Variants in WDR49 observed in about 807,000 individuals in gnomAD.
WDR49 encodes cilia- and flagella-associated protein 337.
WDR49 carries 107 observed loss-of-function variants against 119.5 expected under a neutral mutation model. The observed-to-expected ratio is 0.90, with a 90% CI of 0.77 to 1.05. WDR49 has a LOEUF of 1.05. Among genes scored for constraint, WDR49 ranks in the 50% least tolerant of loss-of-function variants. The pLI, the probability that WDR49 is intolerant of heterozygous loss-of-function variation, is 0.00. For synonymous variants in WDR49, 425 were observed against 418.8 expected, an observed-to-expected ratio of 1.01 and a Z score of -0.18; for missense variants, 1,240 against 1,220.5, an observed-to-expected ratio of 1.02 and a Z score of -0.24.
chr3:167,504,165 T>C (rs564772296), intron 17 of WDR49, among the ~76,000 whole-genome samples: 1 of 152,212 alleles, frequency 6.6e-6, no homozygotes, highest in South Asian at 2.1e-4. Context: ...CTAGTGGAGC[T>C]CTGTAAAGAG....
At chr3:167,656,558 G>A (rs746852375), upstream of WDR49, among the ~76,000 whole-genome samples, 17 of 152,154 alleles carry the variant, frequency 1.1e-4, no homozygotes, top group Non-Finnish European at 1.8e-4. Flanking sequence ...CTTCCATAAA[G>A]TTGCAGCCCT....
At chr3:167,530,740 T>C (rs1012597727) in intron 13 of WDR49, among the ~76,000 whole-genome samples, 2 of 152,132 alleles carry the variant, frequency 1.3e-5, no homozygotes, top group Non-Finnish European at 2.9e-5. Flanking sequence ...TCAACTTTTC[T>C]GCTATATGTG....
At chr3:167,634,567 G>A (rs1170480679) in intron 2 of WDR49, among the ~76,000 whole-genome samples, 1 of 151,816 alleles carries the variant, frequency 6.6e-6, no homozygotes, top group Middle Eastern at 3.2e-3. Context: ...TGAGCTGCCT[G>A]TCTATTTAGA....
rs972053732 is a variant in WDR49, at chr3:167,613,836, T to G, written c.958+6593A>C. Among the ~76,000 whole-genome samples the G allele has an allele frequency of 3.3e-5, 5 of 151,210 alleles. No individual in the cohort carries two copies. In the South Asian group the frequency reaches 1.0e-3, roughly 32 times the overall value. Reference sequence around the variant, plus strand: ...AGCTCATGCCTGTAATCCCAGGTACTCGGGAGGCTGAGGCAGGAGAATCGC... The same window carrying G: ...AGCTCATGCCTGTAATCCCAGGTACGCGGGAGGCTGAGGCAGGAGAATCGC... On this transcript the variant is annotated intron_variant, in intron 5 of 18. Coordinates refer to ENST00000682715, the MANE Select transcript of WDR49 (RefSeq NM_001366157.1).
chr3:167,505,160 T>C, intron 17 of WDR49, 147 bp downstream of exon 17: 1 of 1,129,904 alleles, frequency 8.9e-7, no homozygotes, highest in Non-Finnish European at 1.1e-6. Flanking sequence ...ACCTCACTTT[T>C]CTCCTTTGTT....
At position 167,500,741 on chromosome 3, in the gene WDR49, G is replaced by A. The variant is rs76522369; in HGVS notation, c.2885-442C>T. On this transcript the variant is annotated intron_variant, in intron 17 of 18. Coordinates refer to ENST00000682715, the MANE Select transcript of WDR49 (RefSeq NM_001366157.1). ...ATGTCATCAAGTAAACCAGAGCTGC[G>A]TTATTGTATTTATTATGCACACAAT... is the stretch of plus-strand genomic sequence containing the variant. 4.2e-3 allele frequency among the ~76,000 whole-genome samples: 638 copies of A among 152,158 alleles called. 2 individuals carry two copies. The highest frequency in any genetic ancestry group is 0.013 in the African/African-American group (552 of 41,524).
At chr3:167,513,946 C>T (rs2108223026) in intron 16 of WDR49, among the ~76,000 whole-genome samples, 1 of 152,294 alleles carries the variant, frequency 6.6e-6, no homozygotes, top group South Asian at 2.1e-4. Flanking sequence ...TACAGGAGAA[C>T]CCAGAATCAT....
intron 7 of WDR49, among the ~76,000 whole-genome samples, chr3:167,596,087 G>A (rs1488527881): frequency 4.0e-5 from 6 of 148,256 alleles, no homozygotes; most frequent in African/African-American, 1.5e-4. Context: ...CTCAAAAGAA[G>A]ACATTTATGC....
intron 18 of WDR49, among the ~76,000 whole-genome samples, chr3:167,490,450 T>C (rs1007831509): frequency 6.6e-6 from 1 of 152,192 alleles, no homozygotes; most frequent in Non-Finnish European, 1.5e-5. Flanking sequence ...AGGTGAGCCA[T>C]GTGTAGCAAT....
chr3:167,534,960 C>A lies in WDR49; in HGVS notation c.1954+1910G>T, dbSNP rs535235174. ...CGTACCTGACAGCCCTAAAGCTGCT[C>A]CTGGAAAATGGACAATACAAATAAA... On this transcript the variant is annotated intron_variant, in intron 11 of 18. Transcript: ENST00000682715. Among the ~76,000 whole-genome samples, 10 of 152,236 alleles carry A rather than the reference C, an allele frequency of 6.6e-5. No homozygotes were observed. The South Asian group carries it at 2.1e-3, about 32-fold the overall frequency.
intron 8 of WDR49, among the ~76,000 whole-genome samples, chr3:167,562,759 G>A (rs887252030): frequency 1.3e-5 from 2 of 152,082 alleles, no homozygotes; most frequent in African/African-American, 4.8e-5. Context: ...GTTCTACCTC[G>A]GACATTAAGG....
chr3:167,602,278 A>T lies in WDR49; in HGVS notation c.1127-3T>A, dbSNP rs767713949. The stretch of plus-strand genomic sequence containing the variant: ...TTTATTGTTAATGCCAGCAGTTGCT[A>T]ATCAGAATTAGAAAGAAAAAAAATG... On this transcript the variant is annotated splice_region_variant and splice_polypyrimidine_tract_variant and intron_variant, in intron 6 of 18. Transcript: ENST00000682715. The T allele has an allele frequency of 2.3e-5, 36 of 1,562,574 alleles. No individual in the cohort carries two copies. The African/African-American group carries it at 4.3e-4, about 19-fold the overall frequency.
chr3:167,633,748 G>GTTAATGTCTGGGT (rs534491354), intron 2 of WDR49, among the ~76,000 whole-genome samples: 2,141 of 151,986 alleles, frequency 0.014, 145 homozygotes, highest in Admixed American at 0.12. Context: ...TGCTAATTTA[G>GTTAATGTCTGGGT]TTAATGTCTG....
chr3:167,631,784 T>G (rs1717388603), intron 2 of WDR49, among the ~76,000 whole-genome samples: 1 of 152,058 alleles, frequency 6.6e-6, no homozygotes, highest in African/African-American at 2.4e-5. Context: ...AAGCCATAAT[T>G]TCACATCTGT....
chr3:167,641,236 T>A (rs1479589177), intron 2 of WDR49, among the ~76,000 whole-genome samples: 1 of 151,914 alleles, frequency 6.6e-6, no homozygotes, highest in East Asian at 1.9e-4. Flanking sequence ...GTTTTTATGA[T>A]GTGTCTCTGC....
chr3:167,491,536 C>T (rs1751132633), intron 18 of WDR49, among the ~76,000 whole-genome samples: 1 of 152,080 alleles, frequency 6.6e-6, no homozygotes, highest in Admixed American at 6.6e-5. Context: ...TGAACTTTCT[C>T]CGTATTGCAG....
chr3:167,488,145 A>AACACACACAC (rs57719248), intron 18 of WDR49, among the ~76,000 whole-genome samples: 13 of 136,196 alleles, frequency 9.5e-5, no homozygotes, highest in East Asian at 2.2e-4. Flanking sequence ...GATACACTCA[A>AACACACACAC]ACACACACAC....
At chr3:167,589,978 G>T (rs1163588784) in intron 7 of WDR49, among the ~76,000 whole-genome samples, 2 of 151,946 alleles carry the variant, frequency 1.3e-5, no homozygotes, top group Non-Finnish European at 2.9e-5. Flanking sequence ...GCATTCTTCA[G>T]ATCTTAGATG....
intron 18 of WDR49, among the ~76,000 whole-genome samples, chr3:167,482,172 T>G (rs772367174): frequency 2.0e-5 from 3 of 152,144 alleles, no homozygotes; most frequent in Non-Finnish European, 4.4e-5. Context: ...GAGAAAAGTA[T>G]CTTGCATTAG....
Sources: gnomAD v4.1 joint callset for allele counts (sites outside exome capture counted in the v4.1 genomes callset) on GRCh38, gnomAD v4.1.1 for gene constraint, MANE v1.5 for transcripts, NCBI Gene and HGNC (gene_info 2026-07-23, HGNC 2026-07-21) for gene names.